Variants in PACRG observed in about 807,000 individuals in gnomAD.
PACRG encodes parkin coregulated.
Under a neutral mutation model 29.7 loss-of-function variants are expected in PACRG, and 29 were observed. That is an observed-to-expected ratio of 0.98 (90% confidence interval 0.73 to 1.33). The LOEUF (loss-of-function observed/expected upper bound fraction) is 1.33, where lower values mean the gene tolerates loss of function less well. Ranked by LOEUF, PACRG falls within the 40% of genes most tolerant of loss-of-function variation. PACRG has a pLI of 0.00. For missense variants in PACRG, 279 were observed against 316.2 expected, an observed-to-expected ratio of 0.88 and a Z score of 0.89; for synonymous variants, 116 against 118.7, an observed-to-expected ratio of 0.98 and a Z score of 0.15.
At chr6:162,964,378 T>G (rs547196475) in intron 2 of PACRG, among the ~76,000 whole-genome samples, 92 of 152,274 alleles carry the variant, frequency 6.0e-4, no homozygotes, top group Non-Finnish European at 1.1e-3. Context: ...ATTACAAAAA[T>G]AGTAAGTTAA....
At chr6:163,225,369 T>C (rs900181136) in intron 4 of PACRG, among the ~76,000 whole-genome samples, 5 of 152,178 alleles carry the variant, frequency 3.3e-5, no homozygotes, top group African/African-American at 1.2e-4. Context: ...GATGGCTTTA[T>C]AAGGGGCTCT....
At chr6:162,849,387 T>A (rs1790676483) in intron 2 of PACRG, among the ~76,000 whole-genome samples, 1 of 152,206 alleles carries the variant, frequency 6.6e-6, no homozygotes, top group Non-Finnish European at 1.5e-5. Context: ...GCTCCCTGTT[T>A]GCTCCACTGA....
At chr6:163,250,828 A>C (rs1782872530) in intron 4 of PACRG, among the ~76,000 whole-genome samples, 1 of 151,602 alleles carries the variant, frequency 6.6e-6, no homozygotes, top group South Asian at 2.1e-4. Context: ...ACAATTGCAA[A>C]ATTGTGGAAC....
chr6:163,139,370 A>G (rs1235292835), intron 4 of PACRG, among the ~76,000 whole-genome samples: 2 of 38,090 alleles, frequency 5.3e-5, no homozygotes, highest in Non-Finnish European at 9.3e-5. Context: ...TCACATTTGC[A>G]AAGACCCTTA....
Position 163,005,656 on chromosome 6 carries a change from A to C in PACRG, c.292-56494A>C, listed in dbSNP as rs540768146. 1.6e-4 allele frequency among the ~76,000 whole-genome samples: 24 copies of C among 149,248 alleles called. No homozygotes were observed. The South Asian group carries it at 4.4e-3, about 27-fold the overall frequency. ...ACCTTGTGTAACTTGAATTATATTAAATTTATTTGTTTACAAATGTATTTG... is the reference window on the plus strand; with the variant it reads ...ACCTTGTGTAACTTGAATTATATTACATTTATTTGTTTACAAATGTATTTG... On this transcript the variant is annotated intron_variant, in intron 2 of 4. Coordinates refer to ENST00000366888, the MANE Select transcript of PACRG (RefSeq NM_001080379.2).
At chr6:162,887,221 G>C (rs550017131) in intron 2 of PACRG, among the ~76,000 whole-genome samples, 2 of 152,176 alleles carry the variant, frequency 1.3e-5, no homozygotes, top group Non-Finnish European at 2.9e-5. Context: ...CCAAAGTGCT[G>C]CAATTATAGG....
intron 2 of PACRG, among the ~76,000 whole-genome samples, chr6:162,894,245 G>A (rs1027093140): frequency 1.3e-5 from 2 of 152,148 alleles, no homozygotes; most frequent in Non-Finnish European, 2.9e-5. Context: ...CCAAATTACA[G>A]GCCTTAATCC....
rs146440846 is a variant in PACRG at position 163,240,629 on chromosome 6, C to T, written c.614-74198C>T. 2.0e-4 allele frequency among the ~76,000 whole-genome samples: 30 copies of T among 152,256 alleles called. No individual in the cohort carries two copies. In the East Asian group the frequency reaches 4.1e-3, roughly 21 times the overall value. ...GGCTGCGTTCTCACTTTCACCCAGACCTCACGCTCCTAAACACCTCCTTGG... is the reference window on the plus strand; with the variant it reads ...GGCTGCGTTCTCACTTTCACCCAGATCTCACGCTCCTAAACACCTCCTTGG... On this transcript the variant is annotated intron_variant, in intron 4 of 4. Transcript: ENST00000366888.
At position 162,728,161 on chromosome 6, in the gene PACRG, C is replaced by G; in HGVS notation, c.-75C>G. On this transcript the variant is annotated 5_prime_UTR_variant, in exon 1 of 5. Transcript: ENST00000366888. ...GCGCCTTTTGATATTTTTTTCCAGA[C>G]CTCCTGCTCACATCCGTAAAGCCCA... 1 of 1,531,794 alleles carries G rather than the reference C, an allele frequency of 6.5e-7. No homozygotes were observed. The highest frequency in any genetic ancestry group is 8.9e-7 in the Non-Finnish European group (1 of 1,129,700). The allele number at this position is 1,531,794 out of a possible 1,614,324, so 94.9% of individuals were successfully genotyped here. A position where few individuals can be genotyped will look rare whatever the true frequency, so the allele number is the denominator to read the frequency against.
chr6:162,966,475 G>GTTT (rs1182136634), intron 2 of PACRG, among the ~76,000 whole-genome samples: 15 of 98,976 alleles, frequency 1.5e-4, no homozygotes, highest in African/African-American at 5.6e-4. Flanking sequence ...GGAATGACAT[G>GTTT]TATTTTTTTT....
intron 4 of PACRG, among the ~76,000 whole-genome samples, chr6:163,288,200 G>A (rs1309970170): frequency 6.6e-6 from 1 of 152,172 alleles, no homozygotes; most frequent in Non-Finnish European, 1.5e-5. Context: ...TTTGAAGTGG[G>A]GCTGGCGTCT....
At chr6:162,727,919 C>G (rs1268256187), upstream of PACRG, 2 of 592,104 alleles carry the variant, frequency 3.4e-6, no homozygotes, top group African/African-American at 1.9e-5. Context: ...GCTTCAGGCC[C>G]AGCAATCTTA....
intron 4 of PACRG, among the ~76,000 whole-genome samples, chr6:163,296,993 A>G (rs540212783): frequency 6.6e-6 from 1 of 152,320 alleles, no homozygotes; most frequent in Non-Finnish European, 1.5e-5. Flanking sequence ...CCATTATTTT[A>G]CCTTAACTTG....
chr6:163,072,138 AAAG>A (rs1471841081), intron 3 of PACRG, among the ~76,000 whole-genome samples: 47 of 151,898 alleles, frequency 3.1e-4, no homozygotes, highest in African/African-American at 1.1e-3. Context: ...ATTAAAACAA[AAAG>A]AAAGAAAGAA....
intron 2 of PACRG, among the ~76,000 whole-genome samples, chr6:163,031,667 G>C (rs999353576): frequency 5.3e-5 from 8 of 152,124 alleles, no homozygotes; most frequent in Non-Finnish European, 7.4e-5. Flanking sequence ...TTTTAAATTG[G>C]CTTTGATGGA....
intron 4 of PACRG, chr6:163,165,290 C>A (rs1169914731): frequency 1.3e-5 from 2 of 152,488 alleles, no homozygotes. Flanking sequence ...GCGCTGCCTG[C>A]GCAGGAAACG....
intron 1 of PACRG, among the ~76,000 whole-genome samples, chr6:162,748,301 G>GC (rs1781245651): frequency 6.6e-6 from 1 of 152,222 alleles, no homozygotes; most frequent in East Asian, 1.9e-4. Context: ...AACCAGTCTG[G>GC]CCATCGTGGT....
chr6:163,063,317 C>T (rs1293325497), intron 3 of PACRG, among the ~76,000 whole-genome samples: 2 of 152,048 alleles, frequency 1.3e-5, no homozygotes, highest in Non-Finnish European at 2.9e-5. Flanking sequence ...GGTGAGGAGG[C>T]CCCTGCTCCC....
intron 4 of PACRG, among the ~76,000 whole-genome samples, chr6:163,270,004 A>AAAGG (rs1157997053): frequency 3.5e-5 from 4 of 115,658 alleles, no homozygotes; most frequent in Non-Finnish European, 5.6e-5. Flanking sequence ...AGAAAGAAAG[A>AAAGG]AAGGAGGGAG....
Sources: allele counts gnomAD v4.1 joint callset (sites outside exome capture counted in the v4.1 genomes callset), GRCh38; gene constraint gnomAD v4.1.1; transcripts MANE v1.5; gene names NCBI Gene and HGNC (gene_info 2026-07-23, HGNC 2026-07-21).